Variants in ARMH3 observed in about 807,000 individuals in gnomAD.
ARMH3 encodes armadillo like helical domain containing 3.
A neutral mutation model predicts 99.1 loss-of-function variants in ARMH3; 60 were observed. That is an observed-to-expected ratio of 0.61 (90% CI 0.49 to 0.75). The LOEUF (loss-of-function observed/expected upper bound fraction) is 0.75. Ranked by LOEUF, ARMH3 falls within the 30% of genes least tolerant of loss-of-function variation. ARMH3 has a pLI of 0.00. For missense variants in ARMH3, 679 were observed against 843.1 expected, an observed-to-expected ratio of 0.81 and a Z score of 2.41; for synonymous variants, 285 against 292.8, an observed-to-expected ratio of 0.97 and a Z score of 0.27.
intron 22 of ARMH3, among the ~76,000 whole-genome samples, chr10:101,949,690 A>G (rs1276311413): frequency 2.0e-5 from 3 of 152,198 alleles, no homozygotes; most frequent in South Asian, 2.1e-4. Context: ...ACAGAAGATG[A>G]GCAATGAGAG....
At chr10:102,043,879 A>G (rs1424582538) in intron 1 of ARMH3, among the ~76,000 whole-genome samples, 2 of 152,194 alleles carry the variant, frequency 1.3e-5, no homozygotes, top group Non-Finnish European at 2.9e-5. Flanking sequence ...TAGTCACGTG[A>G]GCTGCTGTCA....
At chr10:101,903,773 T>A (rs2068035585) in intron 23 of ARMH3, among the ~76,000 whole-genome samples, 1 of 152,210 alleles carries the variant, frequency 6.6e-6, no homozygotes, top group Non-Finnish European at 1.5e-5. Flanking sequence ...CAGTGTCTCA[T>A]TTTAAATATT....
rs1332419508 is a variant in ARMH3 at position 102,001,285 on chromosome 10, G to A, written c.1150+686C>T. ...TGTATAAAGAAAAATGCTAAGTAGG[G>A]GAAAAAAAACAAAACTAAGATATAT... On this transcript the variant is annotated intron_variant, in intron 15 of 25. Transcript: ENST00000370033. Among the ~76,000 whole-genome samples the A allele has an allele frequency of 2.0e-5, 3 of 151,852 alleles. 1 individual carries two copies. The highest frequency in any genetic ancestry group is 4.8e-5 in the African/African-American group (2 of 41,398).
At chr10:101,987,437 T>C (rs1388952432) in intron 19 of ARMH3, among the ~76,000 whole-genome samples, 2 of 152,160 alleles carry the variant, frequency 1.3e-5, no homozygotes, top group Non-Finnish European at 2.9e-5. Context: ...CTTTCCTCCA[T>C]CACTTATCAC....
chr10:101,874,814 G>T (rs2067221658), intron 24 of ARMH3, among the ~76,000 whole-genome samples: 1 of 152,142 alleles, frequency 6.6e-6, no homozygotes, highest in African/African-American at 2.4e-5. Context: ...ATATTTCACT[G>T]GGGGTTCAAG....
intron 2 of ARMH3, among the ~76,000 whole-genome samples, chr10:102,038,631 G>A (rs918903767): frequency 6.6e-6 from 1 of 152,112 alleles, no homozygotes; most frequent in Admixed American, 6.5e-5. Context: ...TGTTAAATGA[G>A]GATACTACCA....
At chr10:101,888,297 A>T (rs2067601920) in intron 24 of ARMH3, among the ~76,000 whole-genome samples, 1 of 152,166 alleles carries the variant, frequency 6.6e-6, no homozygotes, top group African/African-American at 2.4e-5. Flanking sequence ...GGCAGAGAGG[A>T]AAAAAGGAAA....
intron 1 of ARMH3, among the ~76,000 whole-genome samples, 174 bp downstream of exon 1, chr10:102,055,911 G>A (rs2067840473): frequency 6.6e-6 from 1 of 152,198 alleles, no homozygotes; most frequent in Admixed American, 6.5e-5. Flanking sequence ...GCCCTCCCCG[G>A]CATACGCAGC....
intron 8 of ARMH3, among the ~76,000 whole-genome samples, chr10:102,019,266 C>A (rs1349283760): frequency 6.6e-6 from 1 of 152,082 alleles, no homozygotes; most frequent in Non-Finnish European, 1.5e-5. Flanking sequence ...CCAGGCTGGT[C>A]TCAAACTCCT....
At chr10:101,930,584 A>G (rs950384304) in intron 23 of ARMH3, among the ~76,000 whole-genome samples, 2 of 152,158 alleles carry the variant, frequency 1.3e-5, no homozygotes, top group Non-Finnish European at 2.9e-5. Context: ...ATCTCCTCAA[A>G]GGACTGAAAG....
At chr10:101,899,131 C>A (rs1243582871) in intron 23 of ARMH3, among the ~76,000 whole-genome samples, 1 of 152,192 alleles carries the variant, frequency 6.6e-6, no homozygotes, top group East Asian at 1.9e-4. Context: ...GTAGTAGTTT[C>A]TTTGGTTGAA....
In ARMH3 at chr10:101,929,956, G is replaced by A. The variant is rs189160065; in HGVS notation, c.1781+9907C>T. Among the ~76,000 whole-genome samples the A allele has an allele frequency of 1.1e-3, 173 of 152,142 alleles. 1 individual carries two copies. Among genetic ancestry groups the A allele is most frequent in the Middle Eastern group, 0.01 (3 of 294 alleles). ...TTACCAGTTGAGCATCCCTAATCCA[G>A]AAATCTGAAACACAAATTGTTCCAA... is the stretch of plus-strand genomic sequence containing the variant. On this transcript the variant is annotated intron_variant, in intron 23 of 25. Coordinates refer to ENST00000370033, the MANE Select transcript of ARMH3 (RefSeq NM_024541.3).
chr10:101,905,399 A>C (rs2068079600), intron 23 of ARMH3, among the ~76,000 whole-genome samples: 1 of 152,230 alleles, frequency 6.6e-6, no homozygotes, highest in Non-Finnish European at 1.5e-5. Flanking sequence ...CATGTAAACA[A>C]CCATACCACA....
At chr10:101,925,996 G>A (rs1590033613) in intron 23 of ARMH3, among the ~76,000 whole-genome samples, 1 of 152,270 alleles carries the variant, frequency 6.6e-6, no homozygotes, top group South Asian at 2.1e-4. Flanking sequence ...TCAAACAGAA[G>A]CTGAATATAT....
intron 22 of ARMH3, chr10:101,952,646 G>C (rs1012189798): frequency 6.6e-6 from 1 of 152,200 alleles, no homozygotes; most frequent in African/African-American, 2.4e-5. Flanking sequence ...GGGAAAAGAG[G>C]AGAAGTTCAA....
chr10:101,854,775 C>T (rs1252720156), intron 24 of ARMH3, among the ~76,000 whole-genome samples: 2 of 152,058 alleles, frequency 1.3e-5, no homozygotes, highest in Non-Finnish European at 2.9e-5. Flanking sequence ...TTCTTAATGT[C>T]TTTGAGCCTC....
intron 23 of ARMH3, among the ~76,000 whole-genome samples, chr10:101,905,933 C>T (rs915941642): frequency 2.6e-5 from 4 of 152,208 alleles, no homozygotes. Flanking sequence ...CCCGGAGTAT[C>T]ATTCTTATAC....
At chr10:101,947,691 T>C (rs1287387101) in intron 22 of ARMH3, among the ~76,000 whole-genome samples, 2 of 151,906 alleles carry the variant, frequency 1.3e-5, no homozygotes, top group East Asian at 1.9e-4. Flanking sequence ...TCCCAACTAC[T>C]TGGGAGGCTG....
At chr10:102,032,849 C>T (rs2067163850) in intron 4 of ARMH3, 177 bp downstream of exon 4, 5 of 630,504 alleles carry the variant, frequency 7.9e-6, no homozygotes, top group Non-Finnish European at 1.3e-5. Context: ...TCCTAAGTGT[C>T]AATTTGTATA....
Sources: gnomAD v4.1 joint callset for allele counts (sites outside exome capture counted in the v4.1 genomes callset) on GRCh38, gnomAD v4.1.1 for gene constraint, MANE v1.5 for transcripts, NCBI Gene and HGNC (gene_info 2026-07-23, HGNC 2026-07-21) for gene names.